The following RPS6KA1 variants were observed in gnomAD, a reference collection of about 807,000 sequenced individuals.
RPS6KA1 encodes ribosomal protein S6 kinase A1, also known as ribosomal protein S6 kinase alpha-1.
Under a neutral mutation model 91.3 loss-of-function variants are expected in RPS6KA1, and 48 were observed. The observed-to-expected ratio is 0.53, with a 90% CI of 0.42 to 0.67. The LOEUF (loss-of-function observed/expected upper bound fraction) is 0.67, where lower values mean the gene tolerates loss of function less well. Ranked by LOEUF, RPS6KA1 falls within the 30% of genes least tolerant of loss-of-function variation. The pLI is 0.00. For missense variants in RPS6KA1, 719 were observed against 960.5 expected (o/e 0.75, Z 3.32); for synonymous variants, 359 against 384.7 (o/e 0.93, Z 0.78).
chr1:26,543,288 G>A, intron 2 of RPS6KA1: 1 of 1,238,684 alleles, frequency 8.1e-7, no homozygotes, highest in South Asian at 1.3e-5. Context: ...ATGGGTTTGG[G>A]GGTGGCTCTG....
intron 2 of RPS6KA1, chr1:26,544,256 C>T: frequency 2.2e-6 from 1 of 454,422 alleles, no homozygotes; most frequent in Non-Finnish European, 4.4e-6. Context: ...TGGTTGGGTT[C>T]CAATCTCTGT....
In RPS6KA1 at chr1:26,558,624, C is replaced by T. The variant is rs562040680; in HGVS notation, c.1085-183C>T. Among the ~76,000 whole-genome samples, 10 of 152,304 alleles carry T rather than the reference C, an allele frequency of 6.6e-5. No individual in the cohort carries two copies. In the South Asian group the frequency reaches 1.9e-3, roughly 28 times the overall value. On this transcript the variant is annotated intron_variant, in intron 13 of 21. Coordinates refer to ENST00000374168, the MANE Select transcript of RPS6KA1 (RefSeq NM_002953.4). This position sits in a 1 kb window ranked among gnomAD's most constrained non-coding sequence, Gnocchi z 4.0. ...TTGTTCCTCATGCGACAGGACTGGGCTGGTCTAATAAACACATATGAGCAG... is the reference window on the plus strand; with the variant it reads ...TTGTTCCTCATGCGACAGGACTGGGTTGGTCTAATAAACACATATGAGCAG...
At position 26,529,996 on chromosome 1, in the gene RPS6KA1, G is replaced by A; in HGVS notation, c.63+13G>A. 1 of 1,350,114 alleles carries A rather than the reference G, an allele frequency of 7.4e-7. No individual in the cohort carries two copies. Among genetic ancestry groups the A allele is most frequent in the Non-Finnish European group, 9.5e-7 (1 of 1,049,314 alleles). 83.6% of individuals were successfully genotyped at this position (1,350,114 alleles called of 1,614,324 possible). The stretch of plus-strand genomic sequence containing the variant: ...TCTGGACCCGGAGGTGAGTGAGCGG[G>A]GCGGGGGACGGGCGCCCGCGGCCGG... On this transcript the variant is annotated intron_variant, in intron 1 of 21. Transcript: ENST00000374168. The surrounding 1 kb of genome is among the most constrained non-coding windows in gnomAD (Gnocchi z 4.2).
intron 14 of RPS6KA1, among the ~76,000 whole-genome samples, chr1:26,559,799 A>G (rs2076138885): frequency 6.6e-6 from 1 of 152,086 alleles, no homozygotes; most frequent in Non-Finnish European, 1.5e-5. Context: ...AATACATGTA[A>G]AGTTCATGTG....
Position 26,555,356 on chromosome 1 carries a change from A to G in RPS6KA1, c.827+135A>G, listed in dbSNP as rs1570444055. The G allele has an allele frequency of 9.6e-6, 10 of 1,039,046 alleles. No individual in the cohort carries two copies. The highest frequency in any genetic ancestry group is 1.4e-5 in the Non-Finnish European group (10 of 698,746). The allele number at this position is 1,039,046 out of a possible 1,614,324, so 64.4% of individuals were successfully genotyped here. A position where few individuals can be genotyped will look rare whatever the true frequency, so the allele number is the denominator to read the frequency against. ...GACTCTCCTCTGGGTTAAACATTAT[A>G]CCTTCCAGAGCCCCTCTTTCATCCC... On this transcript the variant is annotated intron_variant, in intron 10 of 21. Coordinates refer to ENST00000374168, the MANE Select transcript of RPS6KA1 (RefSeq NM_002953.4). The surrounding 1 kb of genome is among the most constrained non-coding windows in gnomAD (Gnocchi z 4.3).
At chr1:26,560,179 G>A (rs180706074) in intron 14 of RPS6KA1, among the ~76,000 whole-genome samples, 2 of 152,364 alleles carry the variant, frequency 1.3e-5, no homozygotes, top group East Asian at 1.9e-4. Context: ...GACCGCATGC[G>A]CAAGCCAGGG....
At position 26,553,432 on chromosome 1, in the gene RPS6KA1, G is replaced by A; in HGVS notation, c.510G>A (p.Glu170=). The change falls in exon 7 of 22, where the codon GAG becomes GAA. Residue 170 remains glutamate, a synonymous_variant. Coordinates refer to ENST00000374168, the MANE Select transcript of RPS6KA1 (RefSeq NM_002953.4). The part of the protein sequence containing the change: ...TEEDVKFYLA[E]LALGLDHLHS... ...AGGATGTGAAGTTTTACCTGGCTGA[G>A]CTGGCTCTGGGCCTGGATCACCTGC... is the stretch of plus-strand genomic sequence containing the variant. 2 of 1,613,276 alleles carry A rather than the reference G, an allele frequency of 1.2e-6. No homozygotes were observed. Among genetic ancestry groups the A allele is most frequent in the Non-Finnish European group, 1.7e-6 (2 of 1,179,508 alleles).
intron 17 of RPS6KA1, among the ~76,000 whole-genome samples, chr1:26,564,551 C>T (rs181828870): frequency 6.6e-6 from 1 of 152,196 alleles, no homozygotes; most frequent in African/African-American, 2.4e-5. Flanking sequence ...AGCCACCGCG[C>T]CCGGCCACGC....
intron 4 of RPS6KA1, among the ~76,000 whole-genome samples, chr1:26,549,338 A>G (rs909013394): frequency 6.6e-6 from 1 of 152,012 alleles, no homozygotes; most frequent in Non-Finnish European, 1.5e-5. Flanking sequence ...TGGGAGGCCA[A>G]GGTGGGTGGA....
At chr1:26,557,548 C>T (rs35245195) in intron 13 of RPS6KA1, among the ~76,000 whole-genome samples, 22 of 151,898 alleles carry the variant, frequency 1.4e-4, no homozygotes, top group Non-Finnish European at 2.8e-4. Flanking sequence ...CCTGACTGCC[C>T]GGCCTCCGTG....
At chr1:26,544,165 C>T (rs116140881) in intron 2 of RPS6KA1, 570 of 456,364 alleles carry the variant, frequency 1.2e-3, no homozygotes, top group African/African-American at 0.011. Flanking sequence ...AGGTGTCAGA[C>T]CTATCTGCCC....
Position 26,557,088 on chromosome 1 carries a change from C to T in RPS6KA1, c.1072C>T (p.Arg358Cys), listed in dbSNP as rs138571702. Residue 358 changes from arginine to cysteine, a missense_variant, in exon 13 of 22, where the codon CGC (arginine) becomes TGC (cysteine). By Grantham distance (180) the Arg-to-Cys change is radical. This residue lies in a region of RPS6KA1 where 228 missense variants were observed against 247.6 expected (regional missense o/e 0.92). Transcript: ENST00000374168. ...TFYFDTEFTSRTPKDSPGIPP... is the reference protein window; with the variant it reads ...TFYFDTEFTSCTPKDSPGIPP... ...CTACTTTGACACCGAGTTCACGTCCCGCACACCCAAGGGTGCGTCCCTTAT... is the reference window on the plus strand; with the variant it reads ...CTACTTTGACACCGAGTTCACGTCCTGCACACCCAAGGGTGCGTCCCTTAT... 1.8e-5 allele frequency: 29 copies of T among 1,613,570 alleles called. 1 individual carries two copies. Among genetic ancestry groups the T allele is most frequent in the East Asian group, 1.3e-4 (6 of 44,862 alleles).
chr1:26,533,974 C>T (rs1013035308), intron 1 of RPS6KA1, among the ~76,000 whole-genome samples: 3 of 152,212 alleles, frequency 2.0e-5, no homozygotes, highest in South Asian at 2.1e-4. Flanking sequence ...ACAGGTTTGG[C>T]GTTCCATAAG....
chr1:26,560,565 G>A (rs2076144887), intron 14 of RPS6KA1, among the ~76,000 whole-genome samples, 161 bp from the exon 15 acceptor site: 2 of 152,236 alleles, frequency 1.3e-5, no homozygotes, highest in South Asian at 4.1e-4. Context: ...GAGGCCCAGA[G>A]AGGGGCAGGC....
At chr1:26,543,210 T>C (rs1271624094) in intron 2 of RPS6KA1, 1 of 1,535,336 alleles carries the variant, frequency 6.5e-7, no homozygotes. Flanking sequence ...CTTGGTTCCC[T>C]GTCCCAGAAA....
chr1:26,542,998 C>A, intron 2 of RPS6KA1: 3 of 693,676 alleles, frequency 4.3e-6, no homozygotes, highest in Non-Finnish European at 7.1e-6. Context: ...TGCAGTGTCC[C>A]CTCCTCTATA....
In RPS6KA1 at chr1:26,554,381, C is replaced by G; in HGVS notation, c.613+130C>G. Reference sequence around the variant, plus strand: ...CCAGTTACTTGGAAGTGGTCAAAAACTCAGGCCTCAGACTTGGAACACCCT... The same window carrying G: ...CCAGTTACTTGGAAGTGGTCAAAAAGTCAGGCCTCAGACTTGGAACACCCT... On this transcript the variant is annotated intron_variant, in intron 8 of 21. Transcript: ENST00000374168. The surrounding 1 kb of genome is among the most constrained non-coding windows in gnomAD (Gnocchi z 4.6). 8.6e-7 allele frequency: 1 copy of G among 1,160,968 alleles called. No homozygotes were observed. The highest frequency in any genetic ancestry group is 1.5e-5 in the South Asian group (1 of 66,484). The allele number at this position is 1,160,968 out of a possible 1,614,324, so 71.9% of individuals were successfully genotyped here.
intron 17 of RPS6KA1, among the ~76,000 whole-genome samples, chr1:26,564,999 C>T (rs2076186760): frequency 6.6e-6 from 1 of 152,220 alleles, no homozygotes; most frequent in African/African-American, 2.4e-5. Context: ...AAGAGGGGAG[C>T]TGCCTCCAGA....
At chr1:26,533,864 C>T (rs1456792927) in intron 1 of RPS6KA1, among the ~76,000 whole-genome samples, 3 of 152,128 alleles carry the variant, frequency 2.0e-5, no homozygotes, top group African/African-American at 2.4e-5. Flanking sequence ...CAGATGACCC[C>T]GGACCCAGGA....
Sources: allele counts gnomAD v4.1 joint callset (sites outside exome capture counted in the v4.1 genomes callset), GRCh38; gene constraint gnomAD v4.1.1; regional missense constraint gnomAD v4.1.1; non-coding constraint Gnocchi (gnomAD v3.1); transcripts MANE v1.5; gene names NCBI Gene and HGNC (gene_info 2026-07-23, HGNC 2026-07-21).